Variants in G3BP2 observed in about 807,000 individuals in gnomAD.
The protein encoded by G3BP2 is ras GTPase-activating protein-binding protein 2.
Under a neutral mutation model 56.7 loss-of-function variants are expected in G3BP2, and 11 were observed. That is an observed-to-expected ratio of 0.19 (90% confidence interval 0.12 to 0.32). The LOEUF (loss-of-function observed/expected upper bound fraction) is 0.32. Ranked by LOEUF, G3BP2 falls within the 10% of genes least tolerant of loss-of-function variation. The pLI, the probability that G3BP2 is intolerant of heterozygous loss-of-function variation, is 1.00. For synonymous variants in G3BP2, 165 were observed against 191.6 expected (o/e 0.86, Z 1.15); for missense variants, 340 against 610.9 (o/e 0.56, Z 4.67).
intron 3 of G3BP2, chr4:75,694,739 G>C (rs988988814): frequency 2.0e-6 from 2 of 981,856 alleles, no homozygotes; most frequent in Non-Finnish European, 2.4e-6. Context: ...ACTCTGTCTC[G>C]AAAAACAAAC....
chr4:75,697,961 AT>A lies in G3BP2; in HGVS notation c.-25+22915del, dbSNP rs542229336. 3.9e-3 allele frequency among the ~76,000 whole-genome samples: 597 copies of A among 152,282 alleles called. 3 individuals carry two copies. The highest frequency in any genetic ancestry group is 0.014 in the African/African-American group (577 of 41,566). ...ACAAACAAACAAAAAACACAAAAAA[AT>A]ATGAAATACAAACAACCACTTATAC... On this transcript the variant is annotated intron_variant, in intron 3 of 3. Transcript: ENST00000499709.
chr4:75,696,545 G>T (rs981932104), intron 3 of G3BP2, among the ~76,000 whole-genome samples: 2 of 152,176 alleles, frequency 1.3e-5, no homozygotes, highest in African/African-American at 4.8e-5. Context: ...GTGTGGAAGG[G>T]TCACTGCGCA....
intron 7 of G3BP2, 95 bp downstream of exon 7, chr4:75,654,971 A>G (rs1246987187): frequency 1.1e-5 from 9 of 785,640 alleles, no homozygotes; most frequent in African/African-American, 7.1e-5. Flanking sequence ...ATAATTTACT[A>G]AACAATTTAA....
intron 3 of G3BP2, among the ~76,000 whole-genome samples, chr4:75,709,204 A>G (rs1719660921): frequency 6.6e-6 from 1 of 151,950 alleles, no homozygotes; most frequent in South Asian, 2.1e-4. Context: ...GGGGGATCAC[A>G]AGGTCAGGAG....
intron 3 of G3BP2, among the ~76,000 whole-genome samples, chr4:75,691,951 A>C (rs79647428): frequency 2.5e-3 from 384 of 152,296 alleles, no homozygotes; most frequent in African/African-American, 8.8e-3. Flanking sequence ...TTCCCAAAGA[A>C]CTGAAAATCT....
chr4:75,683,220 A>T (rs1734149448), intron 3 of G3BP2, among the ~76,000 whole-genome samples: 1 of 152,110 alleles, frequency 6.6e-6, no homozygotes, highest in Non-Finnish European at 1.5e-5. Flanking sequence ...GCTTTACCTC[A>T]GCAGGAAGCA....
At chr4:75,694,976 G>A (rs1463274004) in intron 3 of G3BP2, 3 of 976,362 alleles carry the variant, frequency 3.1e-6, no homozygotes, top group Non-Finnish European at 3.7e-6. Flanking sequence ...AGAGGTAATC[G>A]TCAAGACCCG....
chr4:75,697,932 T>A (rs1182025988), intron 3 of G3BP2, among the ~76,000 whole-genome samples: 2 of 151,260 alleles, frequency 1.3e-5, no homozygotes, highest in Admixed American at 6.6e-5. Context: ...AAACTTCATC[T>A]CAAACAAACA....
rs183492127 is a variant in G3BP2 at position 75,673,276 on chromosome 4, G to T, written c.-93C>A. The T allele has an allele frequency of 2.0e-5, 24 of 1,226,342 alleles. No individual in the cohort carries two copies. The highest frequency in any genetic ancestry group is 2.3e-5 in the Non-Finnish European group (23 of 984,900). 76.0% of individuals were successfully genotyped at this position (1,226,342 alleles called of 1,614,324 possible). ...AGAGTCGCTGAGGACCGGGTGCGGC[G>T]GGTTCTTATTGCTCGCCGCCCCCTT... On this transcript the variant is annotated 5_prime_UTR_variant, in exon 1 of 12. Transcript: ENST00000359707.
At chr4:75,651,000 T>A (rs1448221801) in intron 8 of G3BP2, among the ~76,000 whole-genome samples, 1 of 152,232 alleles carries the variant, frequency 6.6e-6, no homozygotes, top group Non-Finnish European at 1.5e-5. Flanking sequence ...AGGATAATGT[T>A]CTATGTCTGA....
intron 8 of G3BP2, among the ~76,000 whole-genome samples, chr4:75,649,259 A>C (rs559050146): frequency 9.4e-4 from 143 of 152,376 alleles, no homozygotes; most frequent in African/African-American, 3.3e-3. Context: ...TATAAAAATT[A>C]GCTTGCTCTA....
Position 75,653,987 on chromosome 4 carries a change from G to A in G3BP2, c.821C>T (p.Ser274Leu). Residue 274 changes from serine (S) to leucine (L), a missense_variant, in exon 8 of 12, where the codon TCA (serine) becomes TTA (leucine). Ser to Leu is a moderately radical substitution (Grantham distance 145). Around this residue, in one of 4 missense-constraint regions of G3BP2, gnomAD observed 224 missense variants for 332.5 expected, o/e 0.67. Coordinates refer to ENST00000359707, the MANE Select transcript of G3BP2 (RefSeq NM_203505.3). ...GIPPHVKAPVSQPRVEAKPEV... is the reference protein window; with the variant it reads ...GIPPHVKAPVLQPRVEAKPEV... The stretch of plus-strand genomic sequence containing the variant: ...ATGTGTTCACAGATTGGTTACCTGT[G>A]AGACTGGTGCTTTAACATGGGGTGG... The A allele has an allele frequency of 6.8e-7, 1 of 1,466,044 alleles. No individual in the cohort carries two copies. The highest frequency in any genetic ancestry group is 9.6e-7 in the Non-Finnish European group (1 of 1,045,192). 90.8% of individuals were successfully genotyped at this position (1,466,044 alleles called of 1,614,324 possible).
At chr4:75,699,143 A>G (rs1719232949) in intron 3 of G3BP2, among the ~76,000 whole-genome samples, 2 of 152,102 alleles carry the variant, frequency 1.3e-5, no homozygotes, top group African/African-American at 2.4e-5. Flanking sequence ...GTAGTTCTCC[A>G]TCATTGTGAA....
chr4:75,657,422 C>G, intron 4 of G3BP2, 135 bp downstream of exon 4: 1 of 634,842 alleles, frequency 1.6e-6, no homozygotes, highest in South Asian at 2.0e-5. Context: ...CACACGCACT[C>G]ACTCAAACAA....
chr4:75,720,971 TACAAA>T (rs1313984952), intron 2 of G3BP2, among the ~76,000 whole-genome samples: 1 of 52,348 alleles, frequency 1.9e-5, no homozygotes, highest in African/African-American at 1.3e-4. Context: ...ACTTCATCTC[TACAAA>T]AAAAAAAAAA....
intron 1 of G3BP2, among the ~76,000 whole-genome samples, chr4:75,665,419 C>T (rs1224415591): frequency 5.9e-5 from 9 of 152,146 alleles, no homozygotes; most frequent in Admixed American, 2.0e-4. Flanking sequence ...AGGGTAACAA[C>T]CCTAGTGCAA....
At chr4:75,653,813 T>C (rs1731893154) in intron 8 of G3BP2, among the ~76,000 whole-genome samples, 170 bp downstream of exon 8, 1 of 152,264 alleles carries the variant, frequency 6.6e-6, no homozygotes, top group African/African-American at 2.4e-5. Flanking sequence ...ACCACCTATG[T>C]AGATGATGAA....
At chr4:75,702,766 G>A (rs1422664707) in intron 3 of G3BP2, among the ~76,000 whole-genome samples, 1 of 152,220 alleles carries the variant, frequency 6.6e-6, no homozygotes, top group Non-Finnish European at 1.5e-5. Flanking sequence ...ACACAGCAGA[G>A]ATTTGGCAAG....
intron 4 of G3BP2, 95 bp downstream of exon 4, chr4:75,657,462 C>T (rs1732205448): frequency 1.1e-6 from 1 of 871,226 alleles, no homozygotes; most frequent in Non-Finnish European, 1.8e-6. Context: ...CCAAAAATAA[C>T]AATATGCAAA....
Sources: gnomAD v4.1 joint callset for allele counts (sites outside exome capture counted in the v4.1 genomes callset) on GRCh38, gnomAD v4.1.1 for gene constraint, gnomAD v4.1.1 regional missense constraint, MANE v1.5 for transcripts, NCBI Gene and HGNC (gene_info 2026-07-23, HGNC 2026-07-21) for gene names.